Variants in ZNF793 observed in about 807,000 individuals in gnomAD.
The protein encoded by ZNF793 is zinc finger protein 793.
A neutral mutation model predicts 12.4 loss-of-function variants in ZNF793; 5 were observed. The ratio of observed to expected loss-of-function variants is 0.40; its 90% CI spans 0.21 to 0.84. The LOEUF is 0.84. ZNF793 is among the 40% of genes least tolerant of loss of function. The pLI, the probability that ZNF793 is intolerant of heterozygous loss-of-function variation, is 0.35. For synonymous variants in ZNF793, 162 were observed against 172.4 expected, an observed-to-expected ratio of 0.94 and a Z score of 0.47; for missense variants, 456 against 495.0, an observed-to-expected ratio of 0.92 and a Z score of 0.75.
In ZNF793 at chr19:37,542,494, A is replaced by G. The variant is rs1396560975; in HGVS notation, c.*4615A>G. On this transcript the variant is annotated 3_prime_UTR_variant, in exon 8 of 8. Transcript: ENST00000627814. ...AAAAGCTCCAATACATAAAAGACAG[A>G]TGAACATGTGAACATGGACATTTAT... is the stretch of plus-strand genomic sequence containing the variant. The G allele has an allele frequency of 2.5e-6, 1 of 404,234 alleles. No individual in the cohort carries two copies. Among genetic ancestry groups the G allele is most frequent in the Non-Finnish European group, 5.0e-6 (1 of 200,954 alleles). 25.0% of individuals were successfully genotyped at this position (404,234 alleles called of 1,614,324 possible).
At position 37,537,070 on chromosome 19, in the gene ZNF793, A is replaced by T; in HGVS notation, c.412A>T (p.Asn138Tyr). The change falls in exon 8 of 8, where the codon AAC becomes TAC. Residue 138 changes from asparagine to tyrosine, a missense_variant. Physicochemically the swap from Asn to Tyr is moderately radical, Grantham distance 143. Transcript: ENST00000627814. ...DLFSSIQSPS[N>Y]WNPCGKNLNH... ...TTTTTCTTCAATCCAGAGCCCTAGT[A>T]ACTGGAACCCTTGTGGAAAGAATTT... The T allele has an allele frequency of 6.2e-7, 1 of 1,613,838 alleles. No individual in the cohort carries two copies. The highest frequency in any genetic ancestry group is 2.2e-5 in the East Asian group (1 of 44,878).
chr19:37,532,472 C>T lies in ZNF793; in HGVS notation c.132C>T (p.Leu44=), dbSNP rs751530704. 1 of 1,605,912 alleles carries T rather than the reference C, an allele frequency of 6.2e-7. No individual in the cohort carries two copies. The highest frequency in any genetic ancestry group is 2.2e-5 in the East Asian group (1 of 44,696). ...TGATGCTGGAAACCTATAGCAACCT[C>T]GTCTCAGTGGGTAAGAACATCCTCA... ...RDVMLETYSN[L]VSVGYEGTKP... The change falls in exon 6 of 8, where the codon CTC becomes CTT. Residue 44 remains leucine (L), a synonymous_variant. Transcript: ENST00000627814.
chr19:37,528,084 G>A (rs2042430410), intron 5 of ZNF793, among the ~76,000 whole-genome samples: 1 of 152,116 alleles, frequency 6.6e-6, no homozygotes, highest in African/African-American at 2.4e-5. Context: ...AGCCGAGACT[G>A]CGCCACTGCA....
chr19:37,526,918 A>AT lies in ZNF793; in HGVS notation c.15+3470dup, dbSNP rs527736441. On this transcript the variant is annotated intron_variant, in intron 5 of 7. Coordinates refer to ENST00000627814, the MANE Select transcript of ZNF793 (RefSeq NM_001013659.3). Reference sequence around the variant, plus strand: ...CCCACTGCACAGGCACTGAGTCCCCATTTTTTGTCCTTTAGAATTGTTTTC... The same window carrying AT: ...CCCACTGCACAGGCACTGAGTCCCCATTTTTTTGTCCTTTAGAATTGTTTTC... Among the ~76,000 whole-genome samples the AT allele has an allele frequency of 1.2e-4, 18 of 152,100 alleles. No homozygotes were observed. In the East Asian group the frequency reaches 3.1e-3, roughly 26 times the overall value.
intron 1 of ZNF793, chr19:37,507,256 GAATC>G (rs1451397617): frequency 2.0e-5 from 3 of 152,748 alleles, no homozygotes; most frequent in African/African-American, 7.2e-5. Context: ...GAGTGTGTGG[GAATC>G]AATAAATGCG....
At chr19:37,523,556 C>T in intron 5 of ZNF793, 102 bp downstream of exon 5, 1 of 1,181,978 alleles carries the variant, frequency 8.5e-7, no homozygotes, top group Non-Finnish European at 1.2e-6. Flanking sequence ...TACATACAGG[C>T]TGGGTTCTCA....
At chr19:37,533,972 G>A (rs1241231464) in intron 7 of ZNF793, 1 of 156,976 alleles carries the variant, frequency 6.4e-6, no homozygotes, top group African/African-American at 2.4e-5. Flanking sequence ...GCTGATGGAT[G>A]GCCCACTCTT....
In ZNF793 at chr19:37,528,138, T is replaced by A. The variant is rs144392475; in HGVS notation, c.16-4218T>A. Among the ~76,000 whole-genome samples, 652 of 151,958 alleles carry A rather than the reference T, an allele frequency of 4.3e-3. 7 individuals are homozygous for A. Among genetic ancestry groups the A allele is most frequent in the African/African-American group, 0.014 (586 of 41,428 alleles). On this transcript the variant is annotated intron_variant, in intron 5 of 7. Coordinates refer to ENST00000627814, the MANE Select transcript of ZNF793 (RefSeq NM_001013659.3). ...AGCAAGACTCCATCTCAAAATAAATTAATTAATTAATTAAGTAAAATCAAC... is the reference window on the plus strand; with the variant it reads ...AGCAAGACTCCATCTCAAAATAAATAAATTAATTAATTAAGTAAAATCAAC...
rs980887647 is a variant in ZNF793 at position 37,539,162 on chromosome 19, G to A, written c.*1283G>A. ...ATTTATATTAAAAATGCAAGCTAAGGAATAGTTTAAGAACCTGATACTGGG... is the reference window on the plus strand; with the variant it reads ...ATTTATATTAAAAATGCAAGCTAAGAAATAGTTTAAGAACCTGATACTGGG... On this transcript the variant is annotated 3_prime_UTR_variant, in exon 8 of 8. Transcript: ENST00000627814. 1 of 152,106 alleles carries A rather than the reference G, an allele frequency of 6.6e-6. No homozygotes were observed. Among genetic ancestry groups the A allele is most frequent in the African/African-American group, 2.4e-5 (1 of 41,424 alleles). The allele number at this position is 152,106 out of a possible 1,614,324, so 9.4% of individuals were successfully genotyped here.
intron 2 of ZNF793, among the ~76,000 whole-genome samples, chr19:37,510,650 C>T (rs955884506): frequency 9.5e-4 from 143 of 151,312 alleles, no homozygotes; most frequent in Admixed American, 1.3e-3. Context: ...TGCCACTGCA[C>T]CCTAGCCTGG....
intron 6 of ZNF793, 56 bp from the exon 7 acceptor site, chr19:37,533,252 A>G: frequency 6.8e-7 from 1 of 1,468,556 alleles, no homozygotes; most frequent in Non-Finnish European, 9.5e-7. Flanking sequence ...GCTGCCTGAG[A>G]GGCCCTGAAG....
Position 37,536,790 on chromosome 19 carries a change from G to A in ZNF793, c.239-107G>A, listed in dbSNP as rs529374441. 13 of 1,302,762 alleles carry A rather than the reference G, an allele frequency of 1.0e-5. No individual in the cohort carries two copies. The Admixed American group carries it at 3.5e-4, about 35-fold the overall frequency. 80.7% of individuals were successfully genotyped at this position (1,302,762 alleles called of 1,614,324 possible). A position where few individuals can be genotyped will look rare whatever the true frequency, so the allele number is the denominator to read the frequency against. On this transcript the variant is annotated intron_variant, in intron 7 of 7. Transcript: ENST00000627814. ...ACTCTTCCCTGCGTTTGTGCTTTGG[G>A]TTATGGTTCATGTTCTCTATTTGTG...
At position 37,531,679 on chromosome 19, in the gene ZNF793, G is replaced by T. The variant is rs118113535; in HGVS notation, c.16-677G>T. Among the ~76,000 whole-genome samples the T allele has an allele frequency of 8.5e-3, 1,292 of 152,260 alleles. 18 individuals carry two copies. The highest frequency in any genetic ancestry group is 0.011 in the Non-Finnish European group (763 of 68,028). ...TAACCAGAACCTGAAAAATTTAACA[G>T]ACCATTCGCTTCTCTGTATGCCATA... is the stretch of plus-strand genomic sequence containing the variant. On this transcript the variant is annotated intron_variant, in intron 5 of 7. Coordinates refer to ENST00000627814, the MANE Select transcript of ZNF793 (RefSeq NM_001013659.3).
intron 2 of ZNF793, among the ~76,000 whole-genome samples, chr19:37,513,365 G>C (rs545794817): frequency 8.5e-5 from 13 of 152,278 alleles, no homozygotes; most frequent in African/African-American, 3.1e-4. Context: ...TATTGTAGAA[G>C]CTTTCCCTTT....
At chr19:37,516,105 G>A (rs2042329894) in intron 2 of ZNF793, among the ~76,000 whole-genome samples, 1 of 152,186 alleles carries the variant, frequency 6.6e-6, no homozygotes, top group Non-Finnish European at 1.5e-5. Context: ...AAACCACAAT[G>A]GGTGGCAATG....
rs1368288617 is a variant in ZNF793, at chr19:37,542,495, T to C, written c.*4616T>C. ...AAAGCTCCAATACATAAAAGACAGA[T>C]GAACATGTGAACATGGACATTTATT... On this transcript the variant is annotated 3_prime_UTR_variant, in exon 8 of 8. Transcript: ENST00000627814. The C allele has an allele frequency of 2.5e-6, 1 of 392,834 alleles. No homozygotes were observed. Among genetic ancestry groups the C allele is most frequent in the Non-Finnish European group, 5.1e-6 (1 of 196,440 alleles). The allele number at this position is 392,834 out of a possible 1,614,324, so 24.3% of individuals were successfully genotyped here. A position where few individuals can be genotyped will look rare whatever the true frequency, so the allele number is the denominator to read the frequency against.
Position 37,538,140 on chromosome 19 carries a change from C to A in ZNF793, c.*261C>A, listed in dbSNP as rs1345471214. Reference sequence around the variant, plus strand: ...CCGTGTTAGCCAGGATGGTCTCGATCTCCTGACCTTGTGATCTGCCCGCCT... The same window carrying A: ...CCGTGTTAGCCAGGATGGTCTCGATATCCTGACCTTGTGATCTGCCCGCCT... On this transcript the variant is annotated 3_prime_UTR_variant, in exon 8 of 8. Transcript: ENST00000627814. 1.5e-5 allele frequency: 5 copies of A among 343,406 alleles called. No individual in the cohort carries two copies. Among genetic ancestry groups the A allele is most frequent in the South Asian group, 1.2e-4 (3 of 25,130 alleles). 21.3% of individuals were successfully genotyped at this position (343,406 alleles called of 1,614,324 possible). A position where few individuals can be genotyped will look rare whatever the true frequency, so the allele number is the denominator to read the frequency against.
Position 37,540,281 on chromosome 19 carries a change from A to AAC in ZNF793, c.*2403_*2404insCA, listed in dbSNP as rs1201222095. On this transcript the variant is annotated 3_prime_UTR_variant, in exon 8 of 8. Transcript: ENST00000627814. ...AAACTCCGTCAAAAAAAAAAAAAAA[A>AAC]AAAGAAAACTTCAGACCAGTCTTAC... 6.6e-6 allele frequency: 1 copy of AAC among 151,016 alleles called. No homozygotes were observed. Among genetic ancestry groups the AAC allele is most frequent in the Non-Finnish European group, 1.5e-5 (1 of 67,792 alleles). The allele number at this position is 151,016 out of a possible 1,614,324, so 9.4% of individuals were successfully genotyped here.
chr19:37,514,571 TAGAC>T (rs1163278016), intron 2 of ZNF793, among the ~76,000 whole-genome samples: 6 of 128,660 alleles, frequency 4.7e-5, no homozygotes, highest in African/African-American at 8.6e-5. Flanking sequence ...GATAGATAGA[TAGAC>T]AGATAGATAG....
Sources: allele counts gnomAD v4.1 joint callset (sites outside exome capture counted in the v4.1 genomes callset), GRCh38; gene constraint gnomAD v4.1.1; transcripts MANE v1.5; gene names NCBI Gene and HGNC (gene_info 2026-07-23, HGNC 2026-07-21).